The following MPDZ variants were observed in gnomAD, a reference collection of about 807,000 sequenced individuals.
MPDZ encodes multiple PDZ domain crumbs cell polarity complex component, also known as multiple PDZ domain protein.
MPDZ carries 234 observed loss-of-function variants against 239.1 expected under a neutral mutation model. That is an observed-to-expected ratio of 0.98 (90% CI 0.88 to 1.09). The LOEUF is 1.09. Ranked by LOEUF, MPDZ falls within the 50% of genes least tolerant of loss-of-function variation. MPDZ has a pLI of 0.00. For missense variants in MPDZ, 3,175 were observed against 2,510.0 expected, an observed-to-expected ratio of 1.26 and a Z score of -5.66; for synonymous variants, 1,048 against 881.3, an observed-to-expected ratio of 1.19 and a Z score of -3.35.
chr9:13,108,342 G>C (rs73404382), intron 46 of MPDZ, among the ~76,000 whole-genome samples: 2,183 of 152,096 alleles, frequency 0.014, 53 homozygotes, highest in African/African-American at 0.05. Context: ...TCTTAAGCTA[G>C]AATAGGTATT....
Position 13,136,720 on chromosome 9 carries a change from A to G in MPDZ, c.4284T>C (p.Ile1428=), listed in dbSNP as rs1410278971. The G allele has an allele frequency of 3.2e-6, 5 of 1,578,726 alleles. No individual in the cohort carries two copies. In the East Asian group the frequency reaches 9.0e-5, roughly 29 times the overall value. Residue 1428 remains isoleucine (I), a synonymous_variant, in exon 30 of 47, where the codon ATT becomes ATC. Coordinates refer to ENST00000319217, the MANE Select transcript of MPDZ (RefSeq NM_001378778.1). The part of the protein sequence containing the change: ...IKCAPSKVKI[I]FIRNKDAVNQ... ...CAAAAGAAAATGATCACCTGATAAA[A>G]ATTATTTTCACTTTAGAAGGGGCAC...
At chr9:13,161,307 C>T (rs150003622) in intron 23 of MPDZ, among the ~76,000 whole-genome samples, 2 of 152,046 alleles carry the variant, frequency 1.3e-5, no homozygotes, top group African/African-American at 2.4e-5. Context: ...TGGCGGCTCA[C>T]GCTTATAATC....
intron 41 of MPDZ, among the ~76,000 whole-genome samples, chr9:13,113,255 A>T (rs56002100): frequency 0.14 from 21,512 of 152,148 alleles, 2,058 homozygotes; most frequent in Non-Finnish European, 0.21. Flanking sequence ...CGTGTATACC[A>T]TCCCATTCTT....
chr9:13,239,741 A>G (rs926532757), intron 3 of MPDZ, among the ~76,000 whole-genome samples: 1 of 152,158 alleles, frequency 6.6e-6, no homozygotes, highest in African/African-American at 2.4e-5. Flanking sequence ...TGAATATGGC[A>G]TGGACTTTAT....
chr9:13,253,364 G>A (rs1019184215), intron 1 of MPDZ, among the ~76,000 whole-genome samples: 2 of 151,840 alleles, frequency 1.3e-5, no homozygotes, highest in Non-Finnish European at 1.5e-5. Context: ...ATTTTTCAGG[G>A]GATTTCACCA....
In MPDZ at chr9:13,224,667, C is replaced by T. The variant is rs1263287613; in HGVS notation, c.184-84G>A. 4.3e-6 allele frequency: 4 copies of T among 921,004 alleles called. No homozygotes were observed. In the Admixed American group the frequency reaches 8.9e-5, roughly 21 times the overall value. The allele number at this position is 921,004 out of a possible 1,614,324, so 57.1% of individuals were successfully genotyped here. A position where few individuals can be genotyped will look rare whatever the true frequency, so the allele number is the denominator to read the frequency against. On this transcript the variant is annotated intron_variant, in intron 3 of 46. Transcript: ENST00000319217. ...AATATCCCAAGGGTACAAGGACATA[C>T]AAATGAAATTTCAAAATGTCCAAAT...
intron 45 of MPDZ, 90 bp from the exon 46 acceptor site, chr9:13,109,149 T>C (rs1941996587): frequency 1.9e-6 from 2 of 1,053,034 alleles, no homozygotes; most frequent in East Asian, 6.8e-5. Context: ...CACCTAGAGC[T>C]AGCATAATTC....
At chr9:13,112,304 G>A (rs1942626535) in intron 42 of MPDZ, among the ~76,000 whole-genome samples, 158 bp from the exon 43 acceptor site, 1 of 152,182 alleles carries the variant, frequency 6.6e-6, no homozygotes, top group South Asian at 2.1e-4. Flanking sequence ...CTTGACACAG[G>A]TGCTTAGCGT....
chr9:13,255,248 T>C (rs1027083808), intron 1 of MPDZ, among the ~76,000 whole-genome samples: 2 of 152,228 alleles, frequency 1.3e-5, no homozygotes, highest in East Asian at 1.9e-4. Flanking sequence ...TTTGAAATTC[T>C]AGTTCTCTTG....
chr9:13,190,287 G>A lies in MPDZ; in HGVS notation c.1981C>T (p.Leu661=). 1 of 1,585,350 alleles carries A rather than the reference G, an allele frequency of 6.3e-7. No individual in the cohort carries two copies. The highest frequency in any genetic ancestry group is 2.3e-5 in the East Asian group (1 of 44,366). The change falls in exon 16 of 47, where the codon CTA becomes TTA. Residue 661 remains leucine, a synonymous_variant. Transcript: ENST00000319217. ...IELTEKPHVD[L]GEFIGSSETE... is the part of the protein sequence containing the mutation. ...TCTGATGACCCGATGAACTCACCTA[G>A]ATCTACGTGAGGCTGGATAATATCA...
At chr9:13,178,557 T>C (rs977411721) in intron 19 of MPDZ, among the ~76,000 whole-genome samples, 1 of 152,166 alleles carries the variant, frequency 6.6e-6, no homozygotes, top group Non-Finnish European at 1.5e-5. Context: ...TAAAATGCAA[T>C]TCAGTTCTAA....
chr9:13,272,551 C>T (rs370371858), intron 1 of MPDZ, among the ~76,000 whole-genome samples: 1 of 151,756 alleles, frequency 6.6e-6, no homozygotes, highest in African/African-American at 2.4e-5. Flanking sequence ...CGATGAGGCC[C>T]CTGTAATCCC....
chr9:13,230,264 T>C (rs1443830878), intron 3 of MPDZ, among the ~76,000 whole-genome samples: 1 of 152,128 alleles, frequency 6.6e-6, no homozygotes, highest in Non-Finnish European at 1.5e-5. Context: ...AACAACTAGA[T>C]ATGCATTTAC....
chr9:13,227,580 G>A (rs756810748), intron 3 of MPDZ, among the ~76,000 whole-genome samples: 18 of 152,012 alleles, frequency 1.2e-4, no homozygotes, highest in East Asian at 3.9e-4. Flanking sequence ...ATCGCATCCC[G>A]AGAATAGAGA....
intron 12 of MPDZ, 73 bp downstream of exon 12, chr9:13,204,963 A>T: frequency 9.6e-7 from 1 of 1,043,122 alleles, no homozygotes; most frequent in East Asian, 3.1e-5. Flanking sequence ...TAGAGGCTTA[A>T]TCACATTTGT....
chr9:13,187,771 C>T (rs1587638114), intron 17 of MPDZ, among the ~76,000 whole-genome samples: 1 of 5,120 alleles, frequency 2.0e-4, no homozygotes, highest in African/African-American at 5.0e-4. Context: ...AGACTTCAAA[C>T]TATATTCACG....
At chr9:13,266,610 A>G (rs1971853387) in intron 1 of MPDZ, among the ~76,000 whole-genome samples, 1 of 152,202 alleles carries the variant, frequency 6.6e-6, no homozygotes, top group Non-Finnish European at 1.5e-5. Flanking sequence ...CTCTTTCCAA[A>G]CACATAACTT....
At chr9:13,262,157 T>G (rs1012071717) in intron 1 of MPDZ, among the ~76,000 whole-genome samples, 1 of 152,050 alleles carries the variant, frequency 6.6e-6, no homozygotes, top group African/African-American at 2.4e-5. Flanking sequence ...AGTAAAAATA[T>G]TTCTGACCAA....
chr9:13,247,861 G>A, intron 2 of MPDZ, 60 bp from the exon 3 acceptor site: 1 of 1,437,754 alleles, frequency 7.0e-7, no homozygotes, highest in Non-Finnish European at 9.5e-7. Context: ...TCCAGCCTAA[G>A]AGGACTCCAT....
Sources: allele counts gnomAD v4.1 joint callset (sites outside exome capture counted in the v4.1 genomes callset), GRCh38; gene constraint gnomAD v4.1.1; transcripts MANE v1.5; gene names NCBI Gene and HGNC (gene_info 2026-07-23, HGNC 2026-07-21).